The following ATAD1 variants were observed in gnomAD, a reference collection of about 807,000 sequenced individuals.
The protein encoded by ATAD1 is ATPase family AAA domain containing 1.
A neutral mutation model predicts 42.7 loss-of-function variants in ATAD1; 18 were observed. The ratio of observed to expected loss-of-function variants is 0.42; its 90% CI spans 0.29 to 0.63. ATAD1 has a LOEUF of 0.63. Ranked by LOEUF, ATAD1 falls within the 20% of genes least tolerant of loss-of-function variation. The pLI, the probability that ATAD1 is intolerant of heterozygous loss-of-function variation, is 0.19. For synonymous variants in ATAD1, 132 were observed against 143.1 expected (o/e 0.92, Z 0.55); for missense variants, 294 against 440.4 (o/e 0.67, Z 2.98).
In ATAD1 at chr10:87,803,843, G is replaced by A. The variant is rs536683989; in HGVS notation, c.162+10595C>T. 1.2e-4 allele frequency among the ~76,000 whole-genome samples: 18 copies of A among 152,044 alleles called. No homozygotes were observed. In the South Asian group the frequency reaches 3.3e-3, roughly 28 times the overall value. ...CTTGTGTAGAAAACAATACTGCAGA[G>A]TTTTTTCTCCTCTGATTCCCAGCTC... On this transcript the variant is annotated intron_variant, in intron 2 of 9. Coordinates refer to ENST00000680024, the MANE Select transcript of ATAD1 (RefSeq NM_001321967.2).
At chr10:87,807,667 T>C (rs558839976) in intron 2 of ATAD1, among the ~76,000 whole-genome samples, 63 of 152,326 alleles carry the variant, frequency 4.1e-4, no homozygotes, top group African/African-American at 1.5e-3. Flanking sequence ...ATTCTATATA[T>C]GTCCTCAGTA....
intron 5 of ATAD1, among the ~76,000 whole-genome samples, chr10:87,781,955 T>C (rs1305119433): frequency 1.8e-5 from 1 of 54,572 alleles, no homozygotes; most frequent in Non-Finnish European, 3.3e-5. Flanking sequence ...TGAGAATTGT[T>C]TTTTTTTTTA....
intron 1 of ATAD1, among the ~76,000 whole-genome samples, chr10:87,815,617 C>T (rs1857381516): frequency 6.6e-6 from 1 of 152,006 alleles, no homozygotes; most frequent in Non-Finnish European, 1.5e-5. Flanking sequence ...TATCCATGGT[C>T]CTTCCAGCTC....
At chr10:87,790,508 CA>C in intron 3 of ATAD1, 78 bp from the exon 4 acceptor site, 1 of 1,412,192 alleles carries the variant, frequency 7.1e-7, no homozygotes, top group Non-Finnish European at 9.5e-7. Context: ...CCCAAAATTA[CA>C]AATGTTAATC....
At position 87,776,235 on chromosome 10, in the gene ATAD1, T is replaced by C. The variant is rs112904741; in HGVS notation, c.690+86A>G. Reference sequence around the variant, plus strand: ...TAAATAATTATGAAAAAAAAGTTTGTACAAAAGCATAGTAAGTAGCCCAGC... The same window carrying C: ...TAAATAATTATGAAAAAAAAGTTTGCACAAAAGCATAGTAAGTAGCCCAGC... On this transcript the variant is annotated intron_variant, in intron 6 of 9. Transcript: ENST00000680024. The C allele has an allele frequency of 5.3e-4, 509 of 954,000 alleles. 2 individuals are homozygous for C. The African/African-American group carries it at 5.9e-3, about 11-fold the overall frequency. The allele number at this position is 954,000 out of a possible 1,614,324, so 59.1% of individuals were successfully genotyped here. A position where few individuals can be genotyped will look rare whatever the true frequency, so the allele number is the denominator to read the frequency against.
intron 1 of ATAD1, among the ~76,000 whole-genome samples, chr10:87,837,902 C>T (rs1464765611): frequency 2.0e-5 from 3 of 152,124 alleles, no homozygotes; most frequent in African/African-American, 7.2e-5. Flanking sequence ...GTGCCTGGGG[C>T]ACTAGAGAAT....
At chr10:87,781,717 T>C (rs544584454) in intron 5 of ATAD1, among the ~76,000 whole-genome samples, 2 of 152,178 alleles carry the variant, frequency 1.3e-5, no homozygotes, top group South Asian at 2.1e-4. Context: ...CTATGCTCAC[T>C]GAATATCCTC....
At chr10:87,811,473 C>T (rs760629454) in intron 2 of ATAD1, among the ~76,000 whole-genome samples, 14 of 152,160 alleles carry the variant, frequency 9.2e-5, no homozygotes, top group Admixed American at 7.2e-4. Flanking sequence ...TCTTTCTATA[C>T]CCTAAATAAA....
intron 1 of ATAD1, among the ~76,000 whole-genome samples, chr10:87,830,505 T>A: frequency 6.6e-6 from 1 of 152,218 alleles, no homozygotes; most frequent in East Asian, 1.9e-4. Flanking sequence ...AATCATGTTT[T>A]TTTCCCCCCT....
At chr10:87,817,351 A>T (rs1589564834) in intron 1 of ATAD1, among the ~76,000 whole-genome samples, 1 of 152,348 alleles carries the variant, frequency 6.6e-6, no homozygotes, top group East Asian at 1.9e-4. Flanking sequence ...TGAATACACA[A>T]ATATGTACAT....
At chr10:87,808,788 T>G (rs1318204358) in intron 2 of ATAD1, among the ~76,000 whole-genome samples, 1 of 152,250 alleles carries the variant, frequency 6.6e-6, no homozygotes, top group African/African-American at 2.4e-5. Context: ...TTATATTTTT[T>G]CTATATTGCT....
chr10:87,764,658 CTGTCCTGTCCTG>C (rs1388011665), intron 8 of ATAD1, among the ~76,000 whole-genome samples: 1 of 152,044 alleles, frequency 6.6e-6, no homozygotes, highest in Admixed American at 6.6e-5. Context: ...TGAAGCTGTG[CTGTCCTGTCCTG>C]TGTCTCCTCC....
At chr10:87,783,686 CA>C in intron 5 of ATAD1, among the ~76,000 whole-genome samples, 1 of 151,146 alleles carries the variant, frequency 6.6e-6, no homozygotes, top group Non-Finnish European at 1.5e-5. Flanking sequence ...AGGAACAGAA[CA>C]AAAATATTGA....
chr10:87,790,624 T>C (rs1230146493), intron 3 of ATAD1, among the ~76,000 whole-genome samples, 194 bp from the exon 4 acceptor site: 2 of 152,202 alleles, frequency 1.3e-5, no homozygotes, highest in African/African-American at 4.8e-5. Context: ...AGGAATTTAA[T>C]AGTCAACTAT....
intron 1 of ATAD1, among the ~76,000 whole-genome samples, chr10:87,828,380 T>C (rs1857767080): frequency 6.6e-6 from 1 of 152,214 alleles, no homozygotes; most frequent in South Asian, 2.1e-4. Flanking sequence ...GGGTAGAAGA[T>C]CTAACCAACC....
chr10:87,837,018 A>G (rs1857942905), intron 1 of ATAD1, among the ~76,000 whole-genome samples: 1 of 152,116 alleles, frequency 6.6e-6, no homozygotes, highest in African/African-American at 2.4e-5. Flanking sequence ...TCTGAATTTC[A>G]ATTTCATTTT....
At chr10:87,793,057 G>A (rs566271810) in intron 2 of ATAD1, among the ~76,000 whole-genome samples, 5 of 152,176 alleles carry the variant, frequency 3.3e-5, no homozygotes, top group African/African-American at 1.2e-4. Flanking sequence ...GAGACTCTAG[G>A]ATACAGCTTA....
chr10:87,805,806 C>G (rs1256687709), intron 2 of ATAD1, among the ~76,000 whole-genome samples: 3 of 151,734 alleles, frequency 2.0e-5, no homozygotes, highest in Non-Finnish European at 4.4e-5. Flanking sequence ...TCTAGAATGA[C>G]CATGTTCTTT....
intron 2 of ATAD1, among the ~76,000 whole-genome samples, chr10:87,796,900 C>CT (rs1307223740): frequency 6.6e-6 from 1 of 152,128 alleles, no homozygotes; most frequent in Non-Finnish European, 1.5e-5. Context: ...ATACAACTCC[C>CT]TTTTTTTGGA....
Sources: gnomAD v4.1 joint callset for allele counts (sites outside exome capture counted in the v4.1 genomes callset) on GRCh38, gnomAD v4.1.1 for gene constraint, MANE v1.5 for transcripts, NCBI Gene and HGNC (gene_info 2026-07-23, HGNC 2026-07-21) for gene names.